ZNF676: variants seen among roughly 807,000 people sequenced by gnomAD.
The protein encoded by ZNF676 is zinc finger protein 676.
A neutral mutation model predicts 6.0 loss-of-function variants in ZNF676; 4 were observed. The observed-to-expected ratio is 0.67, with a 90% CI of 0.33 to 1.53. ZNF676 has a LOEUF of 1.53. Ranked by LOEUF, ZNF676 falls within the 40% of genes most tolerant of loss-of-function variation. The pLI, the probability that ZNF676 is intolerant of heterozygous loss-of-function variation, is 0.06. For synonymous variants in ZNF676, 198 were observed against 223.1 expected (o/e 0.89, Z 1.00); for missense variants, 644 against 679.7 (o/e 0.95, Z 0.58).
At chr19:22,207,991 A>AC (rs1403289656) in intron 1 of ZNF676, among the ~76,000 whole-genome samples, 3 of 151,528 alleles carry the variant, frequency 2.0e-5, no homozygotes, top group African/African-American at 2.4e-5. Context: ...TATAAAAAAA[A>AC]AAAAAACAAA....
intron 2 of ZNF676, among the ~76,000 whole-genome samples, chr19:22,191,920 A>G (rs2023912516): frequency 6.6e-6 from 1 of 152,224 alleles, no homozygotes; most frequent in Non-Finnish European, 1.5e-5. Context: ...ACACCAATGC[A>G]AAAGCATACT....
chr19:22,217,602 C>CT (rs71180506), upstream of ZNF676, among the ~76,000 whole-genome samples: 37,574 of 147,416 alleles, frequency 0.25, 5,005 homozygotes, highest in South Asian at 0.42. Context: ...TTCTTTTTTC[C>CT]TTTTTTTTTT....
chr19:22,225,991 T>C, the ZNF676 span, among the ~76,000 whole-genome samples: 1 of 152,122 alleles, frequency 6.6e-6, no homozygotes, highest in African/African-American at 2.4e-5. Context: ...GCGTTTAATG[T>C]CATCTAAGAA....
At chr19:22,214,763 G>A (rs1422174012) in intron 1 of ZNF676, among the ~76,000 whole-genome samples, 1 of 151,108 alleles carries the variant, frequency 6.6e-6, no homozygotes, top group Admixed American at 6.6e-5. Context: ...CATGAGGCTG[G>A]GCGCCATGAC....
intron 2 of ZNF676, among the ~76,000 whole-genome samples, chr19:22,188,179 TCATC>T (rs2144742170): frequency 6.6e-6 from 1 of 152,154 alleles, no homozygotes; most frequent in East Asian, 1.9e-4. Flanking sequence ...CAAGTTGGCT[TCATC>T]CCTGGAATGC....
intron 2 of ZNF676, among the ~76,000 whole-genome samples, chr19:22,182,593 A>AAAAACAAAAAAAAAC (rs1555773389): frequency 1.9e-4 from 17 of 90,930 alleles, no homozygotes; most frequent in African/African-American, 6.3e-4. Context: ...TCTAAAAAAA[A>AAAAACAAAAAAAAAC]AAAAAAAAAG....
upstream of ZNF676, among the ~76,000 whole-genome samples, chr19:22,219,149 A>T (rs2024224313): frequency 6.7e-6 from 1 of 150,090 alleles, no homozygotes; most frequent in Admixed American, 6.7e-5. Context: ...CCCAGGCTGG[A>T]GTGCAGTGGC....
chr19:22,215,940 T>G (rs961779960), upstream of ZNF676, among the ~76,000 whole-genome samples: 3 of 152,200 alleles, frequency 2.0e-5, no homozygotes, highest in African/African-American at 7.2e-5. Flanking sequence ...AGAGCCAACG[T>G]AGGCTGCAGC....
chr19:22,215,240 C>A (rs1477350670), intron 1 of ZNF676, among the ~76,000 whole-genome samples: 2 of 152,042 alleles, frequency 1.3e-5, no homozygotes, highest in East Asian at 3.9e-4. Flanking sequence ...ATTTTTTCGG[C>A]GACTTCCATA....
At chr19:22,227,435 A>G in the ZNF676 span, among the ~76,000 whole-genome samples, 1 of 152,232 alleles carries the variant, frequency 6.6e-6, no homozygotes. Flanking sequence ...ACATCCTAAA[A>G]TCACAATTAA....
chr19:22,208,566 G>A (rs2024098380), intron 1 of ZNF676, among the ~76,000 whole-genome samples: 1 of 152,152 alleles, frequency 6.6e-6, no homozygotes, highest in Non-Finnish European at 1.5e-5. Flanking sequence ...AAAGACACAT[G>A]CACAATCACA....
rs1382206583 is a variant in ZNF676 at position 22,179,601 on chromosome 19, C to T, written c.*349G>A. On this transcript the variant is annotated 3_prime_UTR_variant, in exon 3 of 3. Transcript: ENST00000397121. Reference sequence around the variant, plus strand: ...TGAGAACTAATGAAAAGCTTTGCCACGTTTTTCACATTTGTAGGGCTTTTC... The same window carrying T: ...TGAGAACTAATGAAAAGCTTTGCCATGTTTTTCACATTTGTAGGGCTTTTC... 2.3e-5 allele frequency: 11 copies of T among 477,310 alleles called. No individual in the cohort carries two copies. Among genetic ancestry groups the T allele is most frequent in the African/African-American group, 4.0e-5 (2 of 50,596 alleles). The allele number at this position is 477,310 out of a possible 1,614,324, so 29.6% of individuals were successfully genotyped here.
chr19:22,184,103 C>T (rs1257607526), intron 2 of ZNF676, among the ~76,000 whole-genome samples: 1 of 152,128 alleles, frequency 6.6e-6, no homozygotes, highest in African/African-American at 2.4e-5. Context: ...ATCTGCAGCT[C>T]CCAGCAAGAC....
intron 2 of ZNF676, among the ~76,000 whole-genome samples, chr19:22,186,064 CAA>C (rs1257109739): frequency 1.3e-5 from 2 of 152,006 alleles, no homozygotes; most frequent in South Asian, 2.1e-4. Flanking sequence ...ATAGCAACCC[CAA>C]GAGAGAGAAT....
At chr19:22,255,687 T>C in the ZNF676 span, among the ~76,000 whole-genome samples, 3 of 151,726 alleles carry the variant, frequency 2.0e-5, no homozygotes, top group Non-Finnish European at 1.5e-5. Flanking sequence ...CTACTAAAAA[T>C]ACAAAAAATT....
intron 1 of ZNF676, among the ~76,000 whole-genome samples, chr19:22,214,998 G>C (rs1224036590): frequency 7.4e-6 from 1 of 134,768 alleles, no homozygotes; most frequent in Non-Finnish European, 1.5e-5. Flanking sequence ...CCAAGATTCC[G>C]CTACTGCACT....
At chr19:22,211,246 G>A (rs2024127040) in intron 1 of ZNF676, among the ~76,000 whole-genome samples, 1 of 151,982 alleles carries the variant, frequency 6.6e-6, no homozygotes, top group Non-Finnish European at 1.5e-5. Flanking sequence ...CAGCTTTCCA[G>A]GGCTCTGTAG....
chr19:22,237,094 C>A, the ZNF676 span, among the ~76,000 whole-genome samples: 1 of 152,324 alleles, frequency 6.6e-6, no homozygotes, highest in South Asian at 2.1e-4. Flanking sequence ...AAGGGTATAT[C>A]TTCTGGACTT....
At chr19:22,190,542 T>C (rs1330151250) in intron 2 of ZNF676, among the ~76,000 whole-genome samples, 1 of 146,004 alleles carries the variant, frequency 6.8e-6, no homozygotes, top group East Asian at 2.0e-4. Flanking sequence ...TTAAAGTTCC[T>C]GATTTCAAAA....
Sources: gnomAD v4.1 joint callset for allele counts (sites outside exome capture counted in the v4.1 genomes callset) on GRCh38, gnomAD v4.1.1 for gene constraint, MANE v1.5 for transcripts, NCBI Gene and HGNC (gene_info 2026-07-23, HGNC 2026-07-21) for gene names.